Variants in PRKN observed in about 807,000 individuals in gnomAD.
PRKN encodes the protein E3 ubiquitin-protein ligase parkin.
Under a neutral mutation model 59.5 loss-of-function variants are expected in PRKN, and 56 were observed. The observed-to-expected ratio is 0.94, with a 90% CI of 0.76 to 1.18. The LOEUF (loss-of-function observed/expected upper bound fraction) is 1.18. Ranked by LOEUF, PRKN falls within the 50% of genes most tolerant of loss-of-function variation. The pLI is 0.00. For missense variants in PRKN, 657 were observed against 596.4 expected (o/e 1.10, Z -1.06); for synonymous variants, 250 against 222.1 (o/e 1.13, Z -1.12).
chr6:162,455,662 T>C (rs1790836584), intron 1 of PRKN, among the ~76,000 whole-genome samples: 1 of 152,122 alleles, frequency 6.6e-6, no homozygotes, highest in Non-Finnish European at 1.5e-5. Flanking sequence ...AAAAATTAAC[T>C]CCTATTGGCT....
At chr6:162,300,167 T>C (rs1472661983) in intron 2 of PRKN, among the ~76,000 whole-genome samples, 1 of 152,132 alleles carries the variant, frequency 6.6e-6, no homozygotes, top group African/African-American at 2.4e-5. Flanking sequence ...CTTCATAAAA[T>C]ATGGAATACA....
At chr6:161,817,920 A>AC (rs932585192) in intron 6 of PRKN, among the ~76,000 whole-genome samples, 1 of 152,146 alleles carries the variant, frequency 6.6e-6, no homozygotes, top group African/African-American at 2.4e-5. Flanking sequence ...CTCCAAGGAG[A>AC]CCCCCGAAGA....
intron 1 of PRKN, among the ~76,000 whole-genome samples, chr6:162,674,716 G>T (rs182605750): frequency 1.3e-4 from 20 of 152,280 alleles, no homozygotes; most frequent in African/African-American, 4.8e-4. Context: ...TAGATACTAG[G>T]ATTATCATGG....
Position 161,362,958 on chromosome 6 carries a change from C to G in PRKN, c.1168-2753G>C, listed in dbSNP as rs1484460295. Among the ~76,000 whole-genome samples the G allele has an allele frequency of 6.6e-6, 1 of 152,220 alleles. No individual in the cohort carries two copies. The highest frequency in any genetic ancestry group is 2.4e-5 in the African/African-American group (1 of 41,456). On this transcript the variant is annotated intron_variant, in intron 10 of 11. Coordinates refer to ENST00000366898, the MANE Select transcript of PRKN (RefSeq NM_004562.3). This position sits in a 1 kb window ranked among gnomAD's most constrained non-coding sequence, Gnocchi z 5.2. ...TATTGGAATGGCCAGAGACAGAGTA[C>G]TGGCCAGGCATGGTGGCTCACACCT...
chr6:162,166,570 T>G (rs1040505845), intron 4 of PRKN, among the ~76,000 whole-genome samples: 3 of 152,224 alleles, frequency 2.0e-5, no homozygotes, highest in Non-Finnish European at 4.4e-5. Context: ...GTCATGGTGT[T>G]CATGTTGAAG....
chr6:161,619,978 A>G, intron 7 of PRKN, among the ~76,000 whole-genome samples: 1 of 124,746 alleles, frequency 8.0e-6, no homozygotes, highest in African/African-American at 3.0e-5. Context: ...GGTACACATT[A>G]TTCTTTTTTT....
intron 2 of PRKN, among the ~76,000 whole-genome samples, chr6:162,376,446 T>G (rs780881903): frequency 1.3e-4 from 19 of 151,782 alleles, no homozygotes; most frequent in Non-Finnish European, 2.6e-4. Flanking sequence ...TTCCCCGCCG[T>G]GTAGAAAAGC....
At chr6:162,150,532 C>T (rs925747410) in intron 4 of PRKN, among the ~76,000 whole-genome samples, 2 of 152,286 alleles carry the variant, frequency 1.3e-5, no homozygotes, top group African/African-American at 2.4e-5. Context: ...TTGAAAAAGA[C>T]GCACTCCAGA....
intron 4 of PRKN, among the ~76,000 whole-genome samples, chr6:162,199,717 A>T (rs1461574355): frequency 6.6e-6 from 1 of 152,216 alleles, no homozygotes; most frequent in African/African-American, 2.4e-5. Context: ...CTTTGACTCT[A>T]TAAATGAATT....
chr6:162,187,856 C>T (rs1784096197), intron 4 of PRKN, among the ~76,000 whole-genome samples: 1 of 152,124 alleles, frequency 6.6e-6, no homozygotes, highest in South Asian at 2.1e-4. Context: ...ATGGGTTGTG[C>T]AGTTGAAGCT....
intron 1 of PRKN, among the ~76,000 whole-genome samples, chr6:162,687,555 G>T (rs1249167299): frequency 6.6e-6 from 1 of 151,992 alleles, no homozygotes; most frequent in Non-Finnish European, 1.5e-5. Context: ...GCTCATAAAT[G>T]GCCATGCTTC....
intron 7 of PRKN, among the ~76,000 whole-genome samples, chr6:161,728,023 G>A (rs984104450): frequency 9.2e-5 from 14 of 152,150 alleles, no homozygotes; most frequent in African/African-American, 3.1e-4. Flanking sequence ...GAAGATGCCC[G>A]TCATCACCCA....
rs1237010127 is a variant in PRKN at position 162,087,625 on chromosome 6, C to T, written c.535-33451G>A. ...TTTTTTTTTTTCTGAGACGGAGTCT[C>T]GCTCCGTCACCAGGCTGGAGTGCAG... On this transcript the variant is annotated intron_variant, in intron 4 of 11. Coordinates refer to ENST00000366898, the MANE Select transcript of PRKN (RefSeq NM_004562.3). 1.1e-4 allele frequency among the ~76,000 whole-genome samples: 14 copies of T among 131,098 alleles called. 1 individual carries two copies. The highest frequency in any genetic ancestry group is 3.6e-4 in the Admixed American group (4 of 11,204). 86.0% of individuals were successfully genotyped at this position (131,098 alleles called of 152,430 possible). A position where few individuals can be genotyped will look rare whatever the true frequency, so the allele number is the denominator to read the frequency against.
chr6:162,292,451 T>A (rs938039802), intron 2 of PRKN, among the ~76,000 whole-genome samples: 1 of 152,098 alleles, frequency 6.6e-6, no homozygotes, highest in Non-Finnish European at 1.5e-5. Context: ...CAGAGGCTCA[T>A]TGCCTTAGAG....
chr6:162,183,648 T>A (rs1046015616), intron 4 of PRKN, among the ~76,000 whole-genome samples: 9 of 152,216 alleles, frequency 5.9e-5, no homozygotes, highest in African/African-American at 1.2e-4. Context: ...GTTGGGAAAC[T>A]AACAACCTTG....
At position 161,665,381 on chromosome 6, in the gene PRKN, T is replaced by G. The variant is rs556666952; in HGVS notation, c.872-95965A>C. On this transcript the variant is annotated intron_variant, in intron 7 of 11. Transcript: ENST00000366898. ...CAACCTATGAAGATCTTAAACATTT[T>G]TTTTCTGTTGATTTTCTTGAGTTTT... Among the ~76,000 whole-genome samples, 24 of 152,292 alleles carry G rather than the reference T, an allele frequency of 1.6e-4. 1 individual carries two copies. Among genetic ancestry groups the G allele is most frequent in the African/African-American group, 5.3e-4 (22 of 41,558 alleles).
chr6:161,361,968 TC>T lies in PRKN; in HGVS notation c.1168-1764del, dbSNP rs1308737341. ...GTCAGTGACACGTGGCAAACACCCA[TC>T]CCCCCACCGACCTGCACCCCAACGC... On this transcript the variant is annotated intron_variant, in intron 10 of 11. Coordinates refer to ENST00000366898, the MANE Select transcript of PRKN (RefSeq NM_004562.3). The surrounding 1 kb of genome is among the most constrained non-coding windows in gnomAD (Gnocchi z 5.2). 2.0e-5 allele frequency among the ~76,000 whole-genome samples: 3 copies of T among 151,674 alleles called. No homozygotes were observed. The highest frequency in any genetic ancestry group is 4.4e-5 in the Non-Finnish European group (3 of 67,946).
rs1385936417 is a variant in PRKN, at chr6:161,873,955, T to TTATATGTAAAATATAATATATAAAATA, written c.735-88074_735-88048dup. 3.9e-4 allele frequency among the ~76,000 whole-genome samples: 38 copies of TTATATGTAAAATATAATATATAAAATA among 98,284 alleles called. 7 individuals are homozygous for TTATATGTAAAATATAATATATAAAATA. The highest frequency in any genetic ancestry group is 1.5e-3 in the African/African-American group (31 of 20,458). 64.5% of individuals were successfully genotyped at this position (98,284 alleles called of 152,430 possible). A position where few individuals can be genotyped will look rare whatever the true frequency, so the allele number is the denominator to read the frequency against. On this transcript the variant is annotated intron_variant, in intron 6 of 11. Transcript: ENST00000366898. ...ATAATATATATAAAAGAAATATATA[T>TTATATGTAAAATATAATATATAAAATA]TATATGTAAAATATAATATATAAAA...
chr6:162,279,518 T>A (rs557300360), intron 2 of PRKN, among the ~76,000 whole-genome samples: 5 of 151,340 alleles, frequency 3.3e-5, no homozygotes, highest in African/African-American at 1.2e-4. Flanking sequence ...TAATCCTGAG[T>A]TCTAATTTGA....
Sources: gnomAD v4.1 joint callset for allele counts (sites outside exome capture counted in the v4.1 genomes callset) on GRCh38, gnomAD v4.1.1 for gene constraint, Gnocchi (gnomAD v3.1) non-coding constraint, MANE v1.5 for transcripts, NCBI Gene and HGNC (gene_info 2026-07-23, HGNC 2026-07-21) for gene names.